Variants in PLTP observed in about 807,000 individuals in gnomAD.
PLTP encodes the protein BPI fold containing family E.
PLTP carries 43 observed loss-of-function variants against 54.1 expected under a neutral mutation model. The observed-to-expected ratio is 0.79, with a 90% CI of 0.62 to 1.02. The LOEUF (loss-of-function observed/expected upper bound fraction) is 1.02, where lower values mean the gene tolerates loss of function less well. Ranked by LOEUF, PLTP falls within the 50% of genes least tolerant of loss-of-function variation. PLTP has a pLI of 0.00. For synonymous variants in PLTP, 263 were observed against 264.6 expected, an observed-to-expected ratio of 0.99 and a Z score of 0.06; for missense variants, 604 against 645.9, an observed-to-expected ratio of 0.94 and a Z score of 0.70.
rs2083271927 is a variant in PLTP, at chr20:45,909,665, A to G, written c.336T>C (p.Asp112=). 1 of 1,613,984 alleles carries G rather than the reference A, an allele frequency of 6.2e-7. No homozygotes were observed. The highest frequency in any genetic ancestry group is 1.3e-5 in the African/African-American group (1 of 74,912). ...CAGCTGAGGCGTTGATGTAGCCCCCATCATAGCTGCCAGGGGGGTTAATAT... is the reference window on the plus strand; with the variant it reads ...CAGCTGAGGCGTTGATGTAGCCCCCGTCATAGCTGCCAGGGGGGTTAATAT... The part of the protein sequence containing the change: ...RRQLLYWFFY[D]GGYINASAEG... The change falls in exon 5 of 16, where the codon GAT becomes GAC. Residue 112 remains aspartate, a synonymous_variant. Coordinates refer to ENST00000372431, the MANE Select transcript of PLTP (RefSeq NM_006227.4).
chr20:45,906,602 T>TG (rs1286956140), intron 7 of PLTP, among the ~76,000 whole-genome samples: 3 of 152,024 alleles, frequency 2.0e-5, no homozygotes, highest in African/African-American at 4.8e-5. Flanking sequence ...CAAGATGGCA[T>TG]GGGGGGGCCG....
chr20:45,906,529 G>T (rs893797861), intron 7 of PLTP, among the ~76,000 whole-genome samples, 170 bp from the exon 8 acceptor site: 2 of 152,132 alleles, frequency 1.3e-5, no homozygotes, highest in African/African-American at 2.4e-5. Context: ...GTGTAGTTAG[G>T]TGCTCATTAA....
rs962867881 is a variant in PLTP, at chr20:45,911,596, C to G, written c.-11-133G>C. 1.0e-5 allele frequency: 13 copies of G among 1,263,282 alleles called. No homozygotes were observed. In the African/African-American group the frequency reaches 1.9e-4, roughly 19 times the overall value. 78.3% of individuals were successfully genotyped at this position (1,263,282 alleles called of 1,614,324 possible). On this transcript the variant is annotated intron_variant, in intron 1 of 15. Coordinates refer to ENST00000372431, the MANE Select transcript of PLTP (RefSeq NM_006227.4). ...CTTCGGGGAACTTGGAACCAATAAT[C>G]TTGCCTCCATATGGCAGATGTGGAA...
At chr20:45,905,275 T>C (rs2083229367) in intron 8 of PLTP, among the ~76,000 whole-genome samples, 157 bp from the exon 9 acceptor site, 1 of 152,076 alleles carries the variant, frequency 6.6e-6, no homozygotes, top group Non-Finnish European at 1.5e-5. Flanking sequence ...TTAAAAGGCA[T>C]TGGAAGGAGG....
At chr20:45,900,191 G>A (rs1325878297) in intron 12 of PLTP, among the ~76,000 whole-genome samples, 3 of 130,276 alleles carry the variant, frequency 2.3e-5, no homozygotes, top group Non-Finnish European at 3.1e-5. Context: ...TCACTGCTCC[G>A]TCTCCCGGGT....
chr20:45,911,783 G>T, intron 1 of PLTP: 1 of 443,114 alleles, frequency 2.3e-6, no homozygotes. Flanking sequence ...CTTTCCTTTA[G>T]CGGTGGGCCC....
At chr20:45,899,211 G>C in intron 15 of PLTP, 148 bp from the exon 16 acceptor site, 3 of 1,212,950 alleles carry the variant, frequency 2.5e-6, no homozygotes, top group Non-Finnish European at 3.5e-6. Context: ...TAGGAGTGTA[G>C]ACTATGGGTG....
chr20:45,903,061 C>T (rs550812391), intron 10 of PLTP, among the ~76,000 whole-genome samples: 1 of 152,290 alleles, frequency 6.6e-6, no homozygotes, highest in African/African-American at 2.4e-5. Context: ...TGCCGCCATG[C>T]CCGGCTAAGT....
intron 1 of PLTP, 195 bp from the exon 2 acceptor site, chr20:45,911,658 G>T (rs2083295406): frequency 1.8e-5 from 13 of 704,542 alleles, no homozygotes; most frequent in Non-Finnish European, 1.6e-5. Context: ...TTGCGTTCTG[G>T]CTCCCAGAGG....
chr20:45,910,617 A>G (rs1044655034), intron 3 of PLTP, among the ~76,000 whole-genome samples: 5 of 135,114 alleles, frequency 3.7e-5, no homozygotes, highest in African/African-American at 5.6e-5. Context: ...TCCCTCTCAG[A>G]AAAAAAAAAA....
chr20:45,907,991 T>C, intron 5 of PLTP, 87 bp from the exon 6 acceptor site: 1 of 1,191,550 alleles, frequency 8.4e-7, no homozygotes, highest in Non-Finnish European at 1.2e-6. Flanking sequence ...AGGGAAATAG[T>C]GGCAGTAGGA....
At chr20:45,901,302 A>C (rs1040506607) in intron 12 of PLTP, among the ~76,000 whole-genome samples, 1 of 152,208 alleles carries the variant, frequency 6.6e-6, no homozygotes. Context: ...AATGAGGCCT[A>C]GAAAGACAAA....
intron 12 of PLTP, among the ~76,000 whole-genome samples, chr20:45,901,108 A>G (rs1235326834): frequency 6.6e-6 from 1 of 152,184 alleles, no homozygotes. Flanking sequence ...TTGTATCTGC[A>G]CCGTCTACTA....
intron 3 of PLTP, chr20:45,910,846 C>A: frequency 7.8e-7 from 1 of 1,289,058 alleles, no homozygotes; most frequent in East Asian, 3.9e-5. Flanking sequence ...CCACTCTCAT[C>A]TATTGGGAAG....
intron 12 of PLTP, 145 bp from the exon 13 acceptor site, chr20:45,900,023 ATCC>A: frequency 1.5e-6 from 1 of 680,778 alleles, no homozygotes; most frequent in Non-Finnish European, 2.7e-6. Flanking sequence ...CTTTCCAGGT[ATCC>A]TCGGGGCAGT....
Position 45,911,356 on chromosome 20 carries a change from G to A in PLTP, c.97C>T (p.Leu33=). Residue 33 remains leucine, a synonymous_variant, in exon 2 of 16, where the codon CTG becomes TTG. Transcript: ENST00000372431. ...KIRVTSKALE[L]VKQEGLRFLE... is the part of the protein sequence containing the mutation. ...CCTGTCTGCCCCTGCGCCTTACCCA[G>A]CTCCAGCGCCTTGGAGGTGACGCGG... The A allele has an allele frequency of 6.2e-7, 1 of 1,613,132 alleles. No individual in the cohort carries two copies. The highest frequency in any genetic ancestry group is 8.5e-7 in the Non-Finnish European group (1 of 1,180,012).
chr20:45,911,913 C>A, intron 1 of PLTP, 166 bp downstream of exon 1: 1 of 235,328 alleles, frequency 4.2e-6, no homozygotes. Flanking sequence ...CGTGGGCTCC[C>A]GGGTCTCCCG....
intron 15 of PLTP, 78 bp downstream of exon 15, chr20:45,899,384 G>T: frequency 6.9e-7 from 1 of 1,459,378 alleles, no homozygotes; most frequent in Non-Finnish European, 9.6e-7. Flanking sequence ...GGGAGCTGGG[G>T]TCAGGTAATG....
chr20:45,899,783 G>A, intron 13 of PLTP, 53 bp downstream of exon 13: 1 of 1,579,202 alleles, frequency 6.3e-7, no homozygotes, highest in Non-Finnish European at 8.6e-7. Flanking sequence ...GGGGGATGGT[G>A]AGGGTCAGGA....
Sources: gnomAD v4.1 joint callset for allele counts (sites outside exome capture counted in the v4.1 genomes callset) on GRCh38, gnomAD v4.1.1 for gene constraint, MANE v1.5 for transcripts, NCBI Gene and HGNC (gene_info 2026-07-23, HGNC 2026-07-21) for gene names.